The following NRG1 variants were observed in gnomAD, a reference collection of about 807,000 sequenced individuals.
NRG1 encodes the protein pro-neuregulin-1, membrane-bound isoform.
NRG1 carries 18 observed loss-of-function variants against 63.8 expected under a neutral mutation model. The ratio of observed to expected loss-of-function variants is 0.28; its 90% CI spans 0.19 to 0.42. NRG1 has a LOEUF of 0.42. Ranked by LOEUF, NRG1 falls within the 10% of genes least tolerant of loss-of-function variation. NRG1 has a pLI of 1.00. For missense variants in NRG1, 762 were observed against 814.7 expected (o/e 0.94, Z 0.79); for synonymous variants, 302 against 301.3 (o/e 1.00, Z -0.02).
chr8:32,671,871 C>A (rs1224224996), intron 5 of NRG1, among the ~76,000 whole-genome samples: 1 of 152,078 alleles, frequency 6.6e-6, no homozygotes. Flanking sequence ...ATCATTATAT[C>A]CACTTTAAGT....
At chr8:32,234,567 C>G (rs1438066451) in intron 1 of NRG1, among the ~76,000 whole-genome samples, 1 of 152,116 alleles carries the variant, frequency 6.6e-6, no homozygotes, top group Non-Finnish European at 1.5e-5. Flanking sequence ...CATATTCTTC[C>G]CATTTAATTG....
chr8:32,097,650 G>T (rs1830060028), intron 1 of NRG1, among the ~76,000 whole-genome samples: 1 of 152,154 alleles, frequency 6.6e-6, no homozygotes, highest in African/African-American at 2.4e-5. Context: ...GAGTACAAAA[G>T]ATGAGGAGAA....
At chr8:32,464,455 GAC>G (rs1822804718) in intron 1 of NRG1, among the ~76,000 whole-genome samples, 2 of 152,178 alleles carry the variant, frequency 1.3e-5, no homozygotes, top group South Asian at 4.1e-4. Flanking sequence ...ATCTACTGAT[GAC>G]ACAGAACAAA....
At chr8:32,461,617 A>G (rs1211903065) in intron 1 of NRG1, among the ~76,000 whole-genome samples, 1 of 152,054 alleles carries the variant, frequency 6.6e-6, no homozygotes, top group Non-Finnish European at 1.5e-5. Context: ...GCTTGAACCT[A>G]GGAGGCGGAG....
At chr8:32,538,385 G>A (rs1276007231) in intron 1 of NRG1, among the ~76,000 whole-genome samples, 3 of 152,276 alleles carry the variant, frequency 2.0e-5, no homozygotes, top group Admixed American at 2.0e-4. Context: ...TTATAGACAA[G>A]AAATTGATTG....
intron 1 of NRG1, among the ~76,000 whole-genome samples, chr8:31,761,228 C>G (rs1245336438): frequency 2.6e-5 from 4 of 152,076 alleles, no homozygotes; most frequent in African/African-American, 9.7e-5. Flanking sequence ...CTCTTGTTCT[C>G]ACTCATAGAT....
chr8:32,614,587 A>C (rs549854047), intron 4 of NRG1, 23 bp downstream of exon 4: 13 of 1,609,018 alleles, frequency 8.1e-6, no homozygotes, highest in Non-Finnish European at 1.1e-5. Context: ...AGCCTGGCAA[A>C]TTTTACTAAC....
chr8:31,664,613 A>G (rs1001617582), intron 1 of NRG1, among the ~76,000 whole-genome samples: 6 of 152,208 alleles, frequency 3.9e-5, no homozygotes, highest in African/African-American at 1.4e-4. Flanking sequence ...AATTCCACTT[A>G]CCATTATAAT....
At chr8:31,968,863 A>C (rs773674644) in intron 1 of NRG1, among the ~76,000 whole-genome samples, 1 of 152,228 alleles carries the variant, frequency 6.6e-6, no homozygotes, top group Non-Finnish European at 1.5e-5. Context: ...GCCAGGGAAG[A>C]GGCATTACCA....
chr8:31,824,037 CTTTAAG>C (rs1356347709), intron 1 of NRG1, among the ~76,000 whole-genome samples: 1 of 151,654 alleles, frequency 6.6e-6, no homozygotes, highest in Non-Finnish European at 1.5e-5. Context: ...TTTTATTATA[CTTTAAG>C]TTTTAGGGTA....
chr8:31,640,857 G>C lies in NRG1; in HGVS notation c.37+1426G>C. 1.4e-6 allele frequency: 2 copies of C among 1,396,536 alleles called. No individual in the cohort carries two copies. 86.5% of individuals were successfully genotyped at this position (1,396,536 alleles called of 1,614,324 possible). The stretch of plus-strand genomic sequence containing the variant: ...TCTGGGTCCCAGTTGTTGGTTTCAG[G>C]GTGGTGGGTTCTCAGCGATCCTCAG... On this transcript the variant is annotated intron_variant, in intron 1 of 10. Coordinates refer to the NRG1 transcript ENST00000519301. The surrounding 1 kb of genome is among the most constrained non-coding windows in gnomAD (Gnocchi z 6.3).
chr8:31,914,063 A>T (rs1238277629), intron 1 of NRG1, among the ~76,000 whole-genome samples: 1 of 152,168 alleles, frequency 6.6e-6, no homozygotes, highest in African/African-American at 2.4e-5. Flanking sequence ...TTAGCTATTT[A>T]TCCAAAGCAA....
At chr8:32,026,060 A>G (rs1221553208) in intron 1 of NRG1, among the ~76,000 whole-genome samples, 1 of 139,336 alleles carries the variant, frequency 7.2e-6, no homozygotes, top group Non-Finnish European at 1.5e-5. Context: ...TAGAGCATAT[A>G]CAATCTTTTT....
chr8:31,996,742 T>C (rs1036582420), intron 1 of NRG1, among the ~76,000 whole-genome samples: 1 of 151,894 alleles, frequency 6.6e-6, no homozygotes, highest in South Asian at 2.1e-4. Flanking sequence ...AGAAAACCCA[T>C]ACATTTAGCT....
chr8:31,968,526 A>G (rs1806746576), intron 1 of NRG1, among the ~76,000 whole-genome samples: 1 of 152,176 alleles, frequency 6.6e-6, no homozygotes, highest in South Asian at 2.1e-4. Flanking sequence ...AAGAGCAGAG[A>G]CCCTGACTGA....
intron 1 of NRG1, among the ~76,000 whole-genome samples, chr8:31,676,624 T>G (rs1807728763): frequency 6.6e-6 from 1 of 152,152 alleles, no homozygotes; most frequent in Non-Finnish European, 1.5e-5. Context: ...CAGTCCGTGT[T>G]TGATATACCT....
chr8:32,552,748 C>T (rs36213551), intron 1 of NRG1, among the ~76,000 whole-genome samples: 215 of 152,080 alleles, frequency 1.4e-3, no homozygotes, highest in Non-Finnish European at 2.1e-3. Flanking sequence ...GCAGGAAGAG[C>T]GGAAGAAAGT....
chr8:32,485,023 CTTGAAATTGAAA>C (rs989773000), intron 1 of NRG1, among the ~76,000 whole-genome samples: 2 of 152,164 alleles, frequency 1.3e-5, no homozygotes, highest in East Asian at 1.9e-4. Context: ...TACTAAACTT[CTTGAAATTGAAA>C]TTGAAATTGA....
At chr8:31,657,609 T>G (rs1805557443) in intron 1 of NRG1, among the ~76,000 whole-genome samples, 1 of 152,190 alleles carries the variant, frequency 6.6e-6, no homozygotes, top group South Asian at 2.1e-4. Context: ...TTGGAATTGT[T>G]TTTTTCAACT....
Sources: gnomAD v4.1 joint callset for allele counts (sites outside exome capture counted in the v4.1 genomes callset) on GRCh38, gnomAD v4.1.1 for gene constraint, Gnocchi (gnomAD v3.1) non-coding constraint, MANE v1.5 for transcripts, NCBI Gene and HGNC (gene_info 2026-07-23, HGNC 2026-07-21) for gene names.